FHIT: variants seen among roughly 807,000 people sequenced by gnomAD.
FHIT encodes the protein fragile histidine triad diadenosine triphosphatase.
FHIT carries 19 observed loss-of-function variants against 17.9 expected under a neutral mutation model. That is an observed-to-expected ratio of 1.06 (90% CI 0.74 to 1.56). The LOEUF is 1.56. Among genes scored for constraint, FHIT ranks in the 40% most tolerant of loss-of-function variants. The pLI is 0.00. For missense variants in FHIT, 248 were observed against 189.2 expected (o/e 1.31, Z -1.82); for synonymous variants, 81 against 69.7 (o/e 1.16, Z -0.81).
chr3:60,519,724 T>C (rs190527623), intron 5 of FHIT, among the ~76,000 whole-genome samples: 1 of 152,302 alleles, frequency 6.6e-6, no homozygotes, highest in East Asian at 1.9e-4. Flanking sequence ...TATCAAGGAA[T>C]TTAACCTTTT....
chr3:59,771,709 A>G (rs1029653543), intron 8 of FHIT, among the ~76,000 whole-genome samples: 4 of 152,190 alleles, frequency 2.6e-5, no homozygotes, highest in Non-Finnish European at 4.4e-5. Flanking sequence ...TAGTGTCTCT[A>G]TGTCTGTGGG....
At chr3:60,826,695 C>G (rs546590136) in intron 3 of FHIT, among the ~76,000 whole-genome samples, 39 of 152,296 alleles carry the variant, frequency 2.6e-4, no homozygotes, top group African/African-American at 7.5e-4. Flanking sequence ...ACAAGGAGCT[C>G]TCTGCCAGGG....
intron 4 of FHIT, among the ~76,000 whole-genome samples, chr3:60,658,066 A>G (rs1422704213): frequency 6.6e-6 from 1 of 152,146 alleles, no homozygotes; most frequent in East Asian, 1.9e-4. Context: ...TGCAAAACTG[A>G]AACTCTATAC....
At position 60,890,134 on chromosome 3, in the gene FHIT, A is replaced by C. The variant is rs142779172; in HGVS notation, c.-110-68123T>G. On this transcript the variant is annotated intron_variant, in intron 3 of 9. Coordinates refer to ENST00000492590, the MANE Select transcript of FHIT (RefSeq NM_002012.4). ...TTGCTATGGCCCATTGAGTGCACAG[A>C]TGTCACAGTGTTCTACTTCCAGGTA... Among the ~76,000 whole-genome samples, 91 of 150,366 alleles carry C rather than the reference A, an allele frequency of 6.1e-4. 2 individuals are homozygous for C. The highest frequency in any genetic ancestry group is 7.5e-4 in the Non-Finnish European group (51 of 67,670).
At chr3:60,053,009 C>T (rs954014240) in intron 5 of FHIT, among the ~76,000 whole-genome samples, 1 of 151,846 alleles carries the variant, frequency 6.6e-6, no homozygotes, top group Non-Finnish European at 1.5e-5. Context: ...TGGCTTTCAT[C>T]TTAGTGTGAG....
intron 5 of FHIT, among the ~76,000 whole-genome samples, chr3:60,102,227 C>T (rs1412897769): frequency 2.0e-5 from 3 of 152,204 alleles, no homozygotes; most frequent in African/African-American, 7.2e-5. Flanking sequence ...TCAATCACTA[C>T]GCTCAGTATA....
intron 5 of FHIT, among the ~76,000 whole-genome samples, chr3:60,462,158 T>C (rs1465377065): frequency 6.6e-6 from 1 of 152,164 alleles, no homozygotes; most frequent in South Asian, 2.1e-4. Context: ...CACAATCTAA[T>C]GGAAGGATGA....
At chr3:60,291,298 C>G (rs1204389209) in intron 5 of FHIT, among the ~76,000 whole-genome samples, 1 of 152,030 alleles carries the variant, frequency 6.6e-6, no homozygotes, top group Non-Finnish European at 1.5e-5. Context: ...CCAGGTGTGC[C>G]ATTTGTATAG....
chr3:60,112,516 G>C (rs769034359), intron 5 of FHIT, among the ~76,000 whole-genome samples: 1 of 152,152 alleles, frequency 6.6e-6, no homozygotes, highest in African/African-American at 2.4e-5. Context: ...AGGGAACCTG[G>C]ACATTGCCAC....
intron 5 of FHIT, among the ~76,000 whole-genome samples, chr3:60,471,595 G>T (rs973547682): frequency 1.3e-5 from 2 of 152,156 alleles, no homozygotes; most frequent in African/African-American, 2.4e-5. Context: ...ATGGCGGAAT[G>T]GTGACATCAA....
intron 5 of FHIT, among the ~76,000 whole-genome samples, chr3:60,253,732 AATCCACC>A (rs1483694636): frequency 4.6e-5 from 7 of 152,226 alleles, no homozygotes; most frequent in African/African-American, 1.7e-4. Flanking sequence ...TCTGAAAACT[AATCCACC>A]TTCTTATCAG....
chr3:61,220,095 GTC>G (rs1457504481), intron 1 of FHIT, among the ~76,000 whole-genome samples: 1 of 152,174 alleles, frequency 6.6e-6, no homozygotes, highest in African/African-American at 2.4e-5. Flanking sequence ...CTAGGAAAGA[GTC>G]TGTGCATTCA....
chr3:61,202,867 C>T (rs745765712), intron 1 of FHIT, among the ~76,000 whole-genome samples: 12 of 152,020 alleles, frequency 7.9e-5, no homozygotes, highest in Admixed American at 1.3e-4. Flanking sequence ...GCCTGGCCAA[C>T]GTGGTGAAAC....
intron 5 of FHIT, among the ~76,000 whole-genome samples, chr3:60,019,334 T>C (rs538696965): frequency 1.3e-5 from 2 of 152,158 alleles, no homozygotes; most frequent in African/African-American, 2.4e-5. Flanking sequence ...TCCAGGGATG[T>C]TTAAAAATTA....
At chr3:60,947,825 C>A (rs771988156) in intron 3 of FHIT, among the ~76,000 whole-genome samples, 1 of 152,026 alleles carries the variant, frequency 6.6e-6, no homozygotes, top group African/African-American at 2.4e-5. Flanking sequence ...AGGGGATAGG[C>A]GAAGTCCAGA....
chr3:60,314,917 C>G (rs1011620304), intron 5 of FHIT, among the ~76,000 whole-genome samples: 2 of 152,096 alleles, frequency 1.3e-5, no homozygotes, highest in African/African-American at 2.4e-5. Context: ...GAGCCTGTCT[C>G]TATTTTAAAA....
rs141358757 is a variant in FHIT at position 59,759,143 on chromosome 3, G to A, written c.349-6822C>T. Among the ~76,000 whole-genome samples the A allele has an allele frequency of 9.0e-4, 137 of 152,022 alleles. 1 individual carries two copies. Among genetic ancestry groups the A allele is most frequent in the African/African-American group, 2.9e-3 (122 of 41,488 alleles). On this transcript the variant is annotated intron_variant, in intron 8 of 9. Coordinates refer to ENST00000492590, the MANE Select transcript of FHIT (RefSeq NM_002012.4). ...ATATTTCAAGCAGAAAGAACAGCAA[G>A]TGCAGACCTTCAAGGAAGTGTGGTG...
At chr3:61,027,385 C>A (rs927983521) in intron 3 of FHIT, among the ~76,000 whole-genome samples, 1 of 152,198 alleles carries the variant, frequency 6.6e-6, no homozygotes, top group Non-Finnish European at 1.5e-5. Flanking sequence ...GCGCACCCGG[C>A]CCTTATACTT....
intron 8 of FHIT, among the ~76,000 whole-genome samples, chr3:59,768,345 A>T (rs1342935872): frequency 6.6e-6 from 1 of 152,120 alleles, no homozygotes; most frequent in Admixed American, 6.5e-5. Flanking sequence ...TGCATCTCTC[A>T]ACCCTTTGTC....
Sources: allele counts gnomAD v4.1 joint callset (sites outside exome capture counted in the v4.1 genomes callset), GRCh38; gene constraint gnomAD v4.1.1; transcripts MANE v1.5; gene names NCBI Gene and HGNC (gene_info 2026-07-23, HGNC 2026-07-21).